The following LPGAT1 variants were observed in gnomAD, a reference collection of about 807,000 sequenced individuals.
The protein encoded by LPGAT1 is acyl-CoA:lysophosphatidylglycerol acyltransferase 1.
Under a neutral mutation model 47.5 loss-of-function variants are expected in LPGAT1, and 11 were observed. The observed-to-expected ratio is 0.23, with a 90% CI of 0.15 to 0.38. The LOEUF (loss-of-function observed/expected upper bound fraction) is 0.38. Among genes scored for constraint, LPGAT1 ranks in the 10% least tolerant of loss-of-function variants. The probability of loss-of-function intolerance (pLI) is 1.00; values close to 1 mark genes in which losing one functional copy is unlikely to be tolerated. For missense variants in LPGAT1, 293 were observed against 439.0 expected (o/e 0.67, Z 2.97); for synonymous variants, 138 against 144.2 (o/e 0.96, Z 0.31).
At chr1:211,784,901 T>C (rs1658798564) in intron 4 of LPGAT1, among the ~76,000 whole-genome samples, 1 of 151,798 alleles carries the variant, frequency 6.6e-6, no homozygotes, top group African/African-American at 2.4e-5. Context: ...CCTCCCGGGT[T>C]CACGCCATTC....
At chr1:211,820,616 G>A (rs369825230) in intron 2 of LPGAT1, among the ~76,000 whole-genome samples, 135 of 151,136 alleles carry the variant, frequency 8.9e-4, no homozygotes, top group African/African-American at 2.9e-3. Context: ...AAGAAGAGAC[G>A]TTGCAGAAAA....
intron 2 of LPGAT1, among the ~76,000 whole-genome samples, chr1:211,797,132 C>T (rs567448292): frequency 7.9e-5 from 12 of 152,062 alleles, no homozygotes; most frequent in East Asian, 1.9e-4. Flanking sequence ...GGCATATGTC[C>T]GCAATCCCAG....
intron 2 of LPGAT1, among the ~76,000 whole-genome samples, chr1:211,798,900 G>A (rs913951768): frequency 2.0e-5 from 3 of 152,168 alleles, no homozygotes; most frequent in African/African-American, 7.2e-5. Context: ...GACTGGTGAG[G>A]AAAAGCAGCC....
At chr1:211,788,463 A>G (rs2102547756) in intron 3 of LPGAT1, among the ~76,000 whole-genome samples, 1 of 152,216 alleles carries the variant, frequency 6.6e-6, no homozygotes. Context: ...CAGGTGGATC[A>G]CTTGAGGTCA....
intron 6 of LPGAT1, among the ~76,000 whole-genome samples, chr1:211,772,229 A>G (rs1658202236): frequency 6.6e-6 from 1 of 152,222 alleles, no homozygotes; most frequent in South Asian, 2.1e-4. Context: ...GGGCTACTCA[A>G]TCATAACGTG....
chr1:211,819,029 A>G (rs1660273149), intron 2 of LPGAT1, among the ~76,000 whole-genome samples: 1 of 152,220 alleles, frequency 6.6e-6, no homozygotes, highest in Admixed American at 6.5e-5. Context: ...GGATGGTGGC[A>G]GTGCTATTTT....
intron 6 of LPGAT1, among the ~76,000 whole-genome samples, chr1:211,771,877 G>T (rs1658187497): frequency 6.6e-6 from 1 of 152,098 alleles, no homozygotes; most frequent in Non-Finnish European, 1.5e-5. Flanking sequence ...TCTGGGTCTT[G>T]TAAGGAAGGG....
chr1:211,766,124 C>T (rs939953083), intron 6 of LPGAT1, among the ~76,000 whole-genome samples: 4 of 152,122 alleles, frequency 2.6e-5, no homozygotes, highest in African/African-American at 9.7e-5. Flanking sequence ...CCCCAATTCT[C>T]AAGGCCTTTT....
chr1:211,759,010 T>C (rs1657579651), intron 6 of LPGAT1, among the ~76,000 whole-genome samples: 1 of 152,232 alleles, frequency 6.6e-6, no homozygotes, highest in South Asian at 2.1e-4. Context: ...TTGATTGATT[T>C]GAATTTTAAA....
At chr1:211,760,765 T>C (rs1324631470) in intron 6 of LPGAT1, among the ~76,000 whole-genome samples, 1 of 152,158 alleles carries the variant, frequency 6.6e-6, no homozygotes, top group East Asian at 1.9e-4. Context: ...AGCTAATACA[T>C]TACGGTTCTA....
At chr1:211,791,778 A>C (rs368287761) in intron 3 of LPGAT1, among the ~76,000 whole-genome samples, 9,314 of 144,674 alleles carry the variant, frequency 0.064, 448 homozygotes, top group African/African-American at 0.1. Flanking sequence ...AACAAACAAA[A>C]AAAAAAAACA....
intron 2 of LPGAT1, among the ~76,000 whole-genome samples, chr1:211,827,512 T>G (rs1255712086): frequency 1.3e-5 from 2 of 152,240 alleles, no homozygotes; most frequent in Non-Finnish European, 2.9e-5. Context: ...AATTTCATTT[T>G]AAGCAGAATG....
intron 5 of LPGAT1, among the ~76,000 whole-genome samples, chr1:211,780,131 C>T (rs184195588): frequency 3.8e-4 from 58 of 151,814 alleles, no homozygotes; most frequent in African/African-American, 9.2e-4. Context: ...GAGCCGAGAT[C>T]GCACCATTGC....
At chr1:211,808,475 G>C (rs1020707342) in intron 2 of LPGAT1, among the ~76,000 whole-genome samples, 1 of 151,920 alleles carries the variant, frequency 6.6e-6, no homozygotes, top group Admixed American at 6.6e-5. Context: ...TATATGAAAA[G>C]ATGTTCAACA....
intron 1 of LPGAT1, 116 bp from the exon 2 acceptor site, chr1:211,829,439 G>A: frequency 6.8e-7 from 1 of 1,477,056 alleles, no homozygotes. Context: ...GAAGCTTTCC[G>A]GGTGTAGTAC....
At chr1:211,815,109 T>C (rs55836176) in intron 2 of LPGAT1, among the ~76,000 whole-genome samples, 12,740 of 152,248 alleles carry the variant, frequency 0.084, 654 homozygotes, top group Admixed American at 0.15. Context: ...CCCTAGGTGA[T>C]AGCAGCTTTA....
intron 6 of LPGAT1, among the ~76,000 whole-genome samples, chr1:211,778,658 T>C (rs888654879): frequency 6.6e-6 from 1 of 152,192 alleles, no homozygotes; most frequent in Non-Finnish European, 1.5e-5. Flanking sequence ...ATCCTTGATG[T>C]TTGCCCTTTG....
intron 2 of LPGAT1, among the ~76,000 whole-genome samples, chr1:211,825,086 G>A (rs1660501762): frequency 6.6e-6 from 1 of 150,706 alleles, no homozygotes; most frequent in Non-Finnish European, 1.5e-5. Context: ...CTCCCTTCCA[G>A]CCAGACTTTG....
chr1:211,825,188 C>CT (rs953536979), intron 2 of LPGAT1, among the ~76,000 whole-genome samples: 32,230 of 70,956 alleles, frequency 0.45, 12,502 homozygotes, highest in Non-Finnish European at 0.57. Flanking sequence ...GCACAGTCTT[C>CT]TTTTTTTTTT....
Sources: allele counts gnomAD v4.1 joint callset (sites outside exome capture counted in the v4.1 genomes callset), GRCh38; gene constraint gnomAD v4.1.1; transcripts MANE v1.5; gene names NCBI Gene and HGNC (gene_info 2026-07-23, HGNC 2026-07-21).